The following HSP90AA1 variants were observed in gnomAD, a reference collection of about 807,000 sequenced individuals.
The protein encoded by HSP90AA1 is heat shock protein HSP 90-alpha.
HSP90AA1 carries 18 observed loss-of-function variants against 73.3 expected under a neutral mutation model. The observed-to-expected ratio is 0.25, with a 90% confidence interval of 0.17 to 0.36. The LOEUF is 0.36. Ranked by LOEUF, HSP90AA1 falls within the 10% of genes least tolerant of loss-of-function variation. The pLI is 1.00. For synonymous variants in HSP90AA1, 477 were observed against 296.9 expected (o/e 1.61, Z -6.24); for missense variants, 704 against 874.2 (o/e 0.81, Z 2.45).
chr14:102,088,097 G>C (rs1415516739), upstream of HSP90AA1, among the ~76,000 whole-genome samples: 3 of 151,914 alleles, frequency 2.0e-5, no homozygotes, highest in Non-Finnish European at 2.9e-5. Flanking sequence ...AGCGTGGGCA[G>C]AGGACCACAG....
At position 102,085,942 on chromosome 14, in the gene HSP90AA1, G is replaced by C. The variant is rs564338058; in HGVS notation, c.345C>G (p.Thr115=). Residue 115 remains threonine, a synonymous_variant, in exon 3 of 11, where the codon ACC becomes ACG. Coordinates refer to ENST00000216281, the MANE Select transcript of HSP90AA1 (RefSeq NM_005348.4). ...NNLGTIAKSG[T]KAFMEALQAG... ...CCTGCAAAGCTTCCATGAACGCTTT[G>C]GTCCCAGACTTGGCGATAGTACCAA... is the stretch of plus-strand genomic sequence containing the variant. The C allele has an allele frequency of 4.0e-5, 64 of 1,613,784 alleles. No individual in the cohort carries two copies. Among genetic ancestry groups the C allele is most frequent in the Middle Eastern group, 1.6e-4 (1 of 6,078 alleles).
chr14:102,117,865 T>C (rs1385830660), intron 1 of HSP90AA1, among the ~76,000 whole-genome samples: 2 of 152,148 alleles, frequency 1.3e-5, no homozygotes, highest in Admixed American at 6.6e-5. Context: ...TTTGAGTCTC[T>C]CTTTGGGGCC....
intron 2 of HSP90AA1, among the ~76,000 whole-genome samples, chr14:102,092,341 G>A (rs1233293827): frequency 6.6e-6 from 1 of 151,842 alleles, no homozygotes; most frequent in Non-Finnish European, 1.5e-5. Context: ...AAAATCCTGG[G>A]ATTACAGGAG....
chr14:102,085,679 C>T lies in HSP90AA1; in HGVS notation c.529+79G>A, dbSNP rs575272545. The T allele has an allele frequency of 4.4e-6, 7 of 1,594,228 alleles. No homozygotes were observed. In the East Asian group the frequency reaches 1.3e-4, roughly 31 times the overall value. On this transcript the variant is annotated intron_variant, in intron 3 of 10. Coordinates refer to ENST00000216281, the MANE Select transcript of HSP90AA1 (RefSeq NM_005348.4). ...GCAAACACAAATTCTGTAAGCTTCACCGCATCCCCAGGGGTCCAAGGGTTG... is the reference window on the plus strand; with the variant it reads ...GCAAACACAAATTCTGTAAGCTTCATCGCATCCCCAGGGGTCCAAGGGTTG...
At chr14:102,139,292 G>C (rs1048936338) in exon 1 of HSP90AA1, 3 of 1,613,916 alleles carry the variant, frequency 1.9e-6, no homozygotes, top group African/African-American at 1.3e-5. Flanking sequence ...GGGGCTTCCT[G>C]GGCGGGGATC....
intron 1 of HSP90AA1, 53 bp from the exon 2 acceptor site, chr14:102,086,431 C>T (rs2049236029): frequency 2.5e-6 from 4 of 1,587,502 alleles, no homozygotes; most frequent in East Asian, 4.5e-5. Flanking sequence ...ACAGAGGCAA[C>T]ACGAAATTCC....
rs552957228 is a variant in HSP90AA1, at chr14:102,135,885, C to A, written c.155+3365G>T. ...CGCACGCAGCCCCGGTTCCCGCTCT[C>A]GCCTCTCCCTGCACACCTCCCTGCA... On this transcript the variant is annotated intron_variant, in intron 1 of 11. Transcript: ENST00000334701. Among the ~76,000 whole-genome samples the A allele has an allele frequency of 6.5e-3, 992 of 152,334 alleles. 10 individuals are homozygous for A. The highest frequency in any genetic ancestry group is 0.023 in the African/African-American group (947 of 41,594).
At chr14:102,115,490 A>C (rs1293992396) in intron 1 of HSP90AA1, among the ~76,000 whole-genome samples, 1 of 152,202 alleles carries the variant, frequency 6.6e-6, no homozygotes, top group Non-Finnish European at 1.5e-5. Flanking sequence ...GTTATTGCCA[A>C]ATTGTTCTCT....
intron 1 of HSP90AA1, among the ~76,000 whole-genome samples, chr14:102,121,897 A>G (rs573849541): frequency 6.4e-4 from 98 of 152,198 alleles, no homozygotes; most frequent in African/African-American, 2.3e-3. Flanking sequence ...ATCCCTTGCC[A>G]TATGTGTTGT....
intron 6 of HSP90AA1, 79 bp downstream of exon 6, chr14:102,084,320 A>G (rs2049170477): frequency 1.1e-5 from 15 of 1,344,378 alleles, no homozygotes; most frequent in South Asian, 4.7e-5. Flanking sequence ...TGCTAGGATT[A>G]TAGGTGTGAG....
At chr14:102,130,160 G>A (rs1326855349) in intron 1 of HSP90AA1, among the ~76,000 whole-genome samples, 5 of 151,848 alleles carry the variant, frequency 3.3e-5, no homozygotes, top group Non-Finnish European at 5.9e-5. Context: ...TAGTACAGAC[G>A]CAATTTCACC....
intron 1 of HSP90AA1, chr14:102,139,213 A>C: frequency 1.9e-6 from 3 of 1,613,176 alleles, no homozygotes; most frequent in East Asian, 2.2e-5. Context: ...GCCTGAAATA[A>C]AACATAGTGA....
At chr14:102,087,466 C>T (rs2049274695), upstream of HSP90AA1, among the ~76,000 whole-genome samples, 1 of 151,918 alleles carries the variant, frequency 6.6e-6, no homozygotes, top group Non-Finnish European at 1.5e-5. Flanking sequence ...CTGAGCGGAA[C>T]GCGGGGCCGG....
intron 1 of HSP90AA1, among the ~76,000 whole-genome samples, chr14:102,110,604 C>CAG (rs1419757436): frequency 4.2e-5 from 6 of 143,146 alleles, no homozygotes; most frequent in African/African-American, 1.3e-4. Context: ...TTTTTTGAGA[C>CAG]AGTCTTGCTC....
chr14:102,092,628 G>A (rs1434627530), intron 2 of HSP90AA1, among the ~76,000 whole-genome samples: 1 of 152,146 alleles, frequency 6.6e-6, no homozygotes, highest in East Asian at 1.9e-4. Context: ...GGGCAGGAGG[G>A]AAGGATCACA....
intron 1 of HSP90AA1, among the ~76,000 whole-genome samples, chr14:102,122,176 C>T (rs940489719): frequency 6.6e-6 from 1 of 151,886 alleles, no homozygotes; most frequent in African/African-American, 2.4e-5. Context: ...TTGGTTGTTC[C>T]AATACCTCTT....
chr14:102,135,434 G>C (rs978558682), intron 1 of HSP90AA1, among the ~76,000 whole-genome samples: 11 of 152,294 alleles, frequency 7.2e-5, no homozygotes, highest in Non-Finnish European at 1.3e-4. Context: ...ATTGGTGTGA[G>C]CCCAGCTGCC....
chr14:102,083,402 A>C, intron 8 of HSP90AA1, 100 bp from the exon 9 acceptor site: 7 of 1,462,206 alleles, frequency 4.8e-6, no homozygotes, highest in Non-Finnish European at 6.7e-6. Context: ...GCAGAACCTA[A>C]GACAGAAAAT....
At position 102,081,564 on chromosome 14, in the gene HSP90AA1, T is replaced by C. The variant is rs940947200; in HGVS notation, c.*148A>G. On this transcript the variant is annotated 3_prime_UTR_variant, in exon 11 of 11. Coordinates refer to ENST00000216281, the MANE Select transcript of HSP90AA1 (RefSeq NM_005348.4). ...CCTAAGGTATCACAGCATCACTTAG[T>C]AGACAGAAATCTTATCTTCCCCTTA... The C allele has an allele frequency of 1.5e-5, 10 of 658,272 alleles. No homozygotes were observed. Among genetic ancestry groups the C allele is most frequent in the East Asian group, 2.7e-5 (1 of 36,938 alleles). The allele number at this position is 658,272 out of a possible 1,614,324, so 40.8% of individuals were successfully genotyped here. A position where few individuals can be genotyped will look rare whatever the true frequency, so the allele number is the denominator to read the frequency against.
Sources: gnomAD v4.1 joint callset for allele counts (sites outside exome capture counted in the v4.1 genomes callset) on GRCh38, gnomAD v4.1.1 for gene constraint, MANE v1.5 for transcripts, NCBI Gene and HGNC (gene_info 2026-07-23, HGNC 2026-07-21) for gene names.